Variants in MECOM observed in about 807,000 individuals in gnomAD.
MECOM encodes the protein histone-lysine N-methyltransferase MECOM.
In MECOM, 13 loss-of-function variants were observed where a neutral mutation model predicts 116.3. The observed-to-expected ratio is 0.11, with a 90% CI of 0.07 to 0.18. MECOM has a LOEUF of 0.18. Ranked by LOEUF, MECOM falls within the 10% of genes least tolerant of loss-of-function variation. The pLI is 1.00. For synonymous variants in MECOM, 528 were observed against 535.2 expected (o/e 0.99, Z 0.19); for missense variants, 1,299 against 1,509.0 (o/e 0.86, Z 2.31).
At chr3:169,640,508 A>G (rs1312639315) in intron 1 of MECOM, among the ~76,000 whole-genome samples, 1 of 152,242 alleles carries the variant, frequency 6.6e-6, no homozygotes, top group Non-Finnish European at 1.5e-5. Context: ...GAGTCTGTCC[A>G]TCTGTGCTAT....
At chr3:169,616,925 AC>A (rs1292861637) in intron 1 of MECOM, among the ~76,000 whole-genome samples, 1 of 152,260 alleles carries the variant, frequency 6.6e-6, no homozygotes, top group East Asian at 1.9e-4. Context: ...ACATAAATCA[AC>A]CAAATGTTGG....
chr3:169,490,703 C>T (rs373630024), intron 1 of MECOM, among the ~76,000 whole-genome samples: 7 of 151,994 alleles, frequency 4.6e-5, no homozygotes, highest in Admixed American at 2.0e-4. Flanking sequence ...AAATGAACAT[C>T]GAAATACTTT....
At chr3:169,500,723 T>C (rs1359914400) in intron 1 of MECOM, among the ~76,000 whole-genome samples, 16 of 152,002 alleles carry the variant, frequency 1.1e-4, no homozygotes, top group Non-Finnish European at 1.5e-5. Context: ...TTCAAAATCC[T>C]AAGTAATTCT....
intron 1 of MECOM, among the ~76,000 whole-genome samples, chr3:169,645,280 T>C (rs1043360751): frequency 6.9e-6 from 1 of 145,722 alleles, no homozygotes; most frequent in African/African-American, 2.6e-5. Context: ...CTTTTTAACA[T>C]TTCTGAGTAG....
intron 2 of MECOM, chr3:169,145,004 T>C (rs1338724545): frequency 1.9e-6 from 3 of 1,561,324 alleles, no homozygotes; most frequent in Non-Finnish European, 1.7e-6. Context: ...CACCATATAC[T>C]TCAAGAAAAA....
At chr3:169,205,099 T>C (rs1191857109) in intron 2 of MECOM, among the ~76,000 whole-genome samples, 2 of 152,174 alleles carry the variant, frequency 1.3e-5, no homozygotes, top group Non-Finnish European at 2.9e-5. Flanking sequence ...AAATAGTATC[T>C]CGTTGACAAG....
At chr3:169,166,575 C>CATATA (rs1242869688) in intron 2 of MECOM, among the ~76,000 whole-genome samples, 1 of 152,024 alleles carries the variant, frequency 6.6e-6, no homozygotes, top group Non-Finnish European at 1.5e-5. Flanking sequence ...TATGTCAAAT[C>CATATA]AATATAAAAC....
chr3:169,167,794 C>T (rs1219345449), intron 2 of MECOM, among the ~76,000 whole-genome samples: 1 of 152,084 alleles, frequency 6.6e-6, no homozygotes, highest in Admixed American at 6.6e-5. Context: ...CAAACACACA[C>T]ACACAGCTTC....
chr3:169,444,718 A>G (rs1186866405), intron 1 of MECOM, among the ~76,000 whole-genome samples: 4 of 152,182 alleles, frequency 2.6e-5, no homozygotes, highest in Non-Finnish European at 5.9e-5. Flanking sequence ...TAACAGGCAG[A>G]GATTGGAACA....
rs552668934 is a variant in MECOM at position 169,425,107 on chromosome 3, C to G, written c.38-43583G>C. On this transcript the variant is annotated intron_variant, in intron 1 of 16. Coordinates refer to ENST00000651503, the MANE Select transcript of MECOM (RefSeq NM_004991.4). ...AGTGTTCATTTGCAGAAACCCCCCCCCACTTGCATGTGCCTCAGATAACCA... is the reference window on the plus strand; with the variant it reads ...AGTGTTCATTTGCAGAAACCCCCCCGCACTTGCATGTGCCTCAGATAACCA... 3.9e-4 allele frequency among the ~76,000 whole-genome samples: 59 copies of G among 150,822 alleles called. 1 individual carries two copies. The highest frequency in any genetic ancestry group is 1.2e-3 in the African/African-American group (51 of 40,902).
chr3:169,093,026 G>A lies in MECOM; in HGVS notation c.3096C>T (p.Phe1032=), dbSNP rs1720281811. The A allele has an allele frequency of 1.2e-6, 2 of 1,613,724 alleles. No individual in the cohort carries two copies. The highest frequency in any genetic ancestry group is 8.5e-7 in the Non-Finnish European group (1 of 1,179,816). Residue 1032 remains phenylalanine, a synonymous_variant, in exon 14 of 17, where the codon TTC becomes TTT. Coordinates refer to ENST00000651503, the MANE Select transcript of MECOM (RefSeq NM_004991.4). ...TCCCAATGAAATTTCGAATTTCTGT[G>A]AAGTAAGCATCTTCTTTGTCATCCA... ...AILDDKEDAY[F]TEIRNFIGNS... is the part of the protein sequence containing the mutation.
intron 1 of MECOM, chr3:169,484,194 TG>T: frequency 1.7e-6 from 1 of 602,106 alleles, no homozygotes; most frequent in Non-Finnish European, 2.9e-6. Flanking sequence ...TTGCACTTAT[TG>T]ATGAGCTTTG....
intron 2 of MECOM, among the ~76,000 whole-genome samples, chr3:169,267,153 G>A (rs977743336): frequency 5.9e-5 from 9 of 152,194 alleles, no homozygotes; most frequent in African/African-American, 2.2e-4. Context: ...CACACCTTAC[G>A]ATACTACAGC....
chr3:169,331,362 C>T (rs1722679662), intron 2 of MECOM, among the ~76,000 whole-genome samples: 1 of 152,018 alleles, frequency 6.6e-6, no homozygotes, highest in Non-Finnish European at 1.5e-5. Context: ...GGAACCATAC[C>T]TACCTAATAC....
In MECOM at chr3:169,102,129, T is replaced by C. The variant is rs750444195; in HGVS notation, c.2702A>G (p.Asn901Ser). 14 of 1,613,748 alleles carry C rather than the reference T, an allele frequency of 8.7e-6. No individual in the cohort carries two copies. Residue 901 changes from asparagine to serine, a missense_variant, in exon 11 of 17, where the codon AAC becomes AGC. This residue lies in a region of MECOM where 340 missense variants were observed against 312.6 expected (regional missense o/e 1.09). Transcript: ENST00000651503. ...ELLQSVPSMFNFRAPPNALPE... is the reference protein window; with the variant it reads ...ELLQSVPSMFSFRAPPNALPE... ...CAGGGCATTGGGAGGCGCCCTGAAG[T>C]TGAACATAGAGGGCACTGACTGTAA... is the stretch of plus-strand genomic sequence containing the variant.
At chr3:169,420,907 A>G (rs1164467453) in intron 1 of MECOM, among the ~76,000 whole-genome samples, 1 of 152,194 alleles carries the variant, frequency 6.6e-6, no homozygotes, top group African/African-American at 2.4e-5. Flanking sequence ...TATTTCATCA[A>G]TATTCCATTG....
At chr3:169,176,593 C>CA (rs1463845281) in intron 2 of MECOM, among the ~76,000 whole-genome samples, 2 of 151,934 alleles carry the variant, frequency 1.3e-5, no homozygotes, top group African/African-American at 4.8e-5. Context: ...AAAGTAATTT[C>CA]AAAAAAACCC....
At chr3:169,267,570 C>T (rs1248291435) in intron 2 of MECOM, among the ~76,000 whole-genome samples, 1 of 152,096 alleles carries the variant, frequency 6.6e-6, no homozygotes, top group Non-Finnish European at 1.5e-5. Flanking sequence ...AAAGTAACCT[C>T]ACCCCTGGGA....
chr3:169,424,633 C>T (rs1272738184), intron 1 of MECOM, among the ~76,000 whole-genome samples: 8 of 152,142 alleles, frequency 5.3e-5, no homozygotes, highest in African/African-American at 1.9e-4. Flanking sequence ...TCTCTTCCCT[C>T]ACAGAGCTGC....
Sources: gnomAD v4.1 joint callset for allele counts (sites outside exome capture counted in the v4.1 genomes callset) on GRCh38, gnomAD v4.1.1 for gene constraint, gnomAD v4.1.1 regional missense constraint, MANE v1.5 for transcripts, NCBI Gene and HGNC (gene_info 2026-07-23, HGNC 2026-07-21) for gene names.